Variants in GRM1 observed in about 807,000 individuals in gnomAD.
The protein encoded by GRM1 is glutamate metabotropic receptor 1.
A neutral mutation model predicts 90.9 loss-of-function variants in GRM1; 33 were observed. That is an observed-to-expected ratio of 0.36 (90% CI 0.28 to 0.49). GRM1 has a LOEUF of 0.49. GRM1 is among the 20% of genes least tolerant of loss of function. GRM1 has a pLI of 0.99. For missense variants in GRM1, 1,190 were observed against 1,534.3 expected, an observed-to-expected ratio of 0.78 and a Z score of 3.75; for synonymous variants, 700 against 613.2, an observed-to-expected ratio of 1.14 and a Z score of -2.09.
At chr6:146,067,114 G>C (rs1319468002) in intron 1 of GRM1, among the ~76,000 whole-genome samples, 1 of 152,122 alleles carries the variant, frequency 6.6e-6, no homozygotes, top group East Asian at 1.9e-4. Context: ...GTGAGTTTCT[G>C]TATTATACCC....
chr6:146,331,460 C>T (rs941771808), intron 3 of GRM1, among the ~76,000 whole-genome samples: 1 of 152,076 alleles, frequency 6.6e-6, no homozygotes, highest in Non-Finnish European at 1.5e-5. Context: ...AGAAGAGAGA[C>T]CATTTCACTA....
chr6:146,353,770 C>T (rs796452029), intron 4 of GRM1, among the ~76,000 whole-genome samples: 4 of 152,308 alleles, frequency 2.6e-5, no homozygotes, highest in African/African-American at 9.6e-5. Flanking sequence ...GCTGGGACTA[C>T]AGGTGTGCAC....
chr6:146,187,722 A>T (rs1285747092), intron 2 of GRM1, among the ~76,000 whole-genome samples: 10 of 147,862 alleles, frequency 6.8e-5, no homozygotes, highest in Non-Finnish European at 1.5e-4. Context: ...AATATCTACA[A>T]CAACTAGGCA....
chr6:146,284,548 T>C (rs1183407253), intron 2 of GRM1, among the ~76,000 whole-genome samples: 1 of 152,160 alleles, frequency 6.6e-6, no homozygotes, highest in Non-Finnish European at 1.5e-5. Flanking sequence ...TCGCCTGGTA[T>C]TGTAATCCCC....
intron 2 of GRM1, among the ~76,000 whole-genome samples, chr6:146,202,999 TC>T (rs1202094974): frequency 3.3e-5 from 5 of 151,826 alleles, no homozygotes; most frequent in Non-Finnish European, 7.4e-5. Flanking sequence ...AGAGAGACAA[TC>T]CTGGCTAACA....
chr6:146,316,508 T>C lies in GRM1; in HGVS notation c.1186+11662T>C, dbSNP rs137889361. 2.9e-3 allele frequency among the ~76,000 whole-genome samples: 442 copies of C among 152,348 alleles called. 2 individuals are homozygous for C. The highest frequency in any genetic ancestry group is 9.7e-3 in the African/African-American group (402 of 41,580). On this transcript the variant is annotated intron_variant, in intron 3 of 7. Transcript: ENST00000282753. ...GTGTCAAGACAGCACGGCATCAGCC[T>C]CTCTAAGTCCCTACCGGCTGATTCT...
chr6:146,383,887 A>G (rs1018083551), intron 5 of GRM1, among the ~76,000 whole-genome samples: 1 of 152,148 alleles, frequency 6.6e-6, no homozygotes, highest in Non-Finnish European at 1.5e-5. Context: ...TGCCATAAGC[A>G]ACTAGAAATC....
chr6:146,408,556 G>A (rs1241945040), intron 7 of GRM1, among the ~76,000 whole-genome samples: 1 of 152,024 alleles, frequency 6.6e-6, no homozygotes, highest in Admixed American at 6.6e-5. Flanking sequence ...ACATGGGAAG[G>A]TATATGAAAG....
At chr6:146,220,719 C>T (rs1385735022) in intron 2 of GRM1, among the ~76,000 whole-genome samples, 1 of 151,994 alleles carries the variant, frequency 6.6e-6, no homozygotes, top group Non-Finnish European at 1.5e-5. Context: ...AAGACAGACA[C>T]TGTCCCTGTC....
Position 146,435,264 on chromosome 6 carries a change from G to T in GRM1, c.*468G>T. 3.4e-6 allele frequency: 1 copy of T among 295,830 alleles called. No homozygotes were observed. 18.3% of individuals were successfully genotyped at this position (295,830 alleles called of 1,614,324 possible). On this transcript the variant is annotated 3_prime_UTR_variant, in exon 8 of 8. Coordinates refer to ENST00000282753, the MANE Select transcript of GRM1 (RefSeq NM_001278064.2). Reference sequence around the variant, plus strand: ...CGGAGTGAGCTGGTGGAGCCAGACAGAGCAGGTGCGGGGAAGGGAAGGGCC... The same window carrying T: ...CGGAGTGAGCTGGTGGAGCCAGACATAGCAGGTGCGGGGAAGGGAAGGGCC...
intron 2 of GRM1, among the ~76,000 whole-genome samples, chr6:146,186,529 G>C (rs1014391286): frequency 2.0e-5 from 3 of 152,014 alleles, no homozygotes; most frequent in Non-Finnish European, 4.4e-5. Flanking sequence ...CTGTTTCTTA[G>C]CCTCTTTTCT....
At chr6:146,430,778 C>T (rs917898330) in intron 7 of GRM1, among the ~76,000 whole-genome samples, 1 of 152,140 alleles carries the variant, frequency 6.6e-6, no homozygotes, top group East Asian at 1.9e-4. Context: ...AAGCCTTCAC[C>T]TGAATCTATT....
chr6:146,396,266 G>T (rs1453469518), intron 6 of GRM1, among the ~76,000 whole-genome samples: 1 of 152,186 alleles, frequency 6.6e-6, no homozygotes, highest in East Asian at 1.9e-4. Flanking sequence ...ACACAAGGAA[G>T]AGAGGCCACT....
chr6:146,297,306 G>T (rs150382258), intron 2 of GRM1, among the ~76,000 whole-genome samples: 1 of 151,802 alleles, frequency 6.6e-6, no homozygotes, highest in African/African-American at 2.4e-5. Flanking sequence ...GACTACAGGC[G>T]CGTGCCACCA....
intron 5 of GRM1, among the ~76,000 whole-genome samples, chr6:146,362,664 C>CAA (rs11432508): frequency 0.019 from 1,660 of 85,482 alleles, 75 homozygotes; most frequent in East Asian, 0.13. Context: ...GACTCCATCT[C>CAA]AAAAAAAAAA....
chr6:146,434,657 C>T lies in GRM1; in HGVS notation c.3446C>T (p.Ser1149Leu), dbSNP rs555468415. The T allele has an allele frequency of 1.6e-5, 26 of 1,608,930 alleles. No individual in the cohort carries two copies. Among genetic ancestry groups the T allele is most frequent in the African/African-American group, 4.0e-5 (3 of 75,074 alleles). The change falls in exon 8 of 8, where the codon TCG (serine) becomes TTG (leucine). Residue 1149 changes from serine to leucine, a missense_variant. By Grantham distance (145) the Ser-to-Leu change is moderately radical (BLOSUM62 -2). This residue lies in a region of GRM1 where 4 missense variants were observed against 17.1 expected (regional missense o/e 0.23). Coordinates refer to ENST00000282753, the MANE Select transcript of GRM1 (RefSeq NM_001278064.2). ...PDDSPALTPP[S>L]PFRDSVASGS... ...GATTCGCCTGCGCTGACGCCTCCGT[C>T]GCCTTTCCGCGACTCGGTGGCCTCG...
rs558036403 is a variant in GRM1, at chr6:146,297,305, C to T, written c.951-7306C>T. On this transcript the variant is annotated intron_variant, in intron 2 of 7. Coordinates refer to ENST00000282753, the MANE Select transcript of GRM1 (RefSeq NM_001278064.2). ...CCTCCCCAGTAGATGGGACTACAGG[C>T]GCGTGCCACCATGACTGGCTAATTT... Among the ~76,000 whole-genome samples the T allele has an allele frequency of 1.0e-3, 153 of 151,944 alleles. No homozygotes were observed. In the South Asian group the frequency reaches 0.015, roughly 15 times the overall value.
intron 3 of GRM1, among the ~76,000 whole-genome samples, chr6:146,326,386 T>A (rs1416239598): frequency 6.6e-6 from 1 of 152,030 alleles, no homozygotes; most frequent in Non-Finnish European, 1.5e-5. Context: ...GGGAGCTAAA[T>A]GATGAGAACA....
chr6:146,188,408 T>C (rs550164109), intron 2 of GRM1, among the ~76,000 whole-genome samples: 1 of 152,152 alleles, frequency 6.6e-6, no homozygotes, highest in Non-Finnish European at 1.5e-5. Flanking sequence ...GCTTTTCTCT[T>C]CCAAGAGAAT....
Sources: allele counts gnomAD v4.1 joint callset (sites outside exome capture counted in the v4.1 genomes callset), GRCh38; gene constraint gnomAD v4.1.1; regional missense constraint gnomAD v4.1.1; transcripts MANE v1.5; gene names NCBI Gene and HGNC (gene_info 2026-07-23, HGNC 2026-07-21).